Variants in GTF2E2 observed in about 807,000 individuals in gnomAD.
GTF2E2 encodes the protein general transcription factor IIE subunit 2.
GTF2E2 carries 21 observed loss-of-function variants against 40.5 expected under a neutral mutation model. The observed-to-expected ratio is 0.52, with a 90% CI of 0.37 to 0.75. The LOEUF is 0.75. Ranked by LOEUF, GTF2E2 falls within the 30% of genes least tolerant of loss-of-function variation. GTF2E2 has a pLI of 0.00. For synonymous variants in GTF2E2, 117 were observed against 121.6 expected (o/e 0.96, Z 0.25); for missense variants, 298 against 338.4 (o/e 0.88, Z 0.94).
intron 5 of GTF2E2, among the ~76,000 whole-genome samples, chr8:30,611,950 T>C (rs1354867312): frequency 1.3e-5 from 2 of 152,190 alleles, no homozygotes; most frequent in East Asian, 3.9e-4. Flanking sequence ...TGCCTCTAGT[T>C]CCTCAGGTAA....
intron 2 of GTF2E2, chr8:30,645,736 AAGTT>A: frequency 1.2e-6 from 1 of 825,520 alleles, no homozygotes. Context: ...GGGGAAAAAA[AAGTT>A]AAACATGCAC....
At chr8:30,620,287 C>T (rs1469880189) in intron 3 of GTF2E2, among the ~76,000 whole-genome samples, 1 of 151,654 alleles carries the variant, frequency 6.6e-6, no homozygotes, top group Non-Finnish European at 1.5e-5. Flanking sequence ...TACATACACA[C>T]ATTCATTCCT....
intron 3 of GTF2E2, among the ~76,000 whole-genome samples, chr8:30,620,412 A>T (rs1177676982): frequency 6.6e-6 from 1 of 152,140 alleles, no homozygotes. Context: ...AGAAAAGGTT[A>T]AATGAAGATG....
intron 7 of GTF2E2, among the ~76,000 whole-genome samples, chr8:30,579,354 C>T (rs16877201): frequency 1.3e-3 from 194 of 152,306 alleles, no homozygotes; most frequent in African/African-American, 4.5e-3. Context: ...GGTTTAAAAA[C>T]GTATCCACCA....
intron 6 of GTF2E2, among the ~76,000 whole-genome samples, chr8:30,596,692 CA>C (rs35740987): frequency 0.34 from 50,952 of 151,940 alleles, 9,704 homozygotes; most frequent in South Asian, 0.55. Flanking sequence ...TTTTATGCCT[CA>C]AAAACTTTTT....
intron 6 of GTF2E2, among the ~76,000 whole-genome samples, chr8:30,598,590 G>T (rs1320508551): frequency 2.6e-5 from 4 of 152,000 alleles, no homozygotes. Flanking sequence ...CAATGCTGTT[G>T]CAATATTTAA....
intron 2 of GTF2E2, among the ~76,000 whole-genome samples, chr8:30,650,757 T>C (rs1802246219): frequency 6.6e-6 from 1 of 151,514 alleles, no homozygotes; most frequent in South Asian, 2.1e-4. Flanking sequence ...GGCTCACGCC[T>C]GTAATCCCAG....
At chr8:30,643,004 C>T (rs978780777) in intron 2 of GTF2E2, among the ~76,000 whole-genome samples, 1 of 152,106 alleles carries the variant, frequency 6.6e-6, no homozygotes, top group Non-Finnish European at 1.5e-5. Flanking sequence ...CGCTGGAGTG[C>T]AATGTGCATT....
chr8:30,587,871 T>TAAAAAA (rs58179732), intron 6 of GTF2E2, among the ~76,000 whole-genome samples: 1 of 105,034 alleles, frequency 9.5e-6, no homozygotes, highest in African/African-American at 3.9e-5. Context: ...GACTCCGTCT[T>TAAAAAA]AAAAAAAAAA....
intron 3 of GTF2E2, among the ~76,000 whole-genome samples, chr8:30,626,576 G>GC (rs1479445278): frequency 6.6e-6 from 1 of 152,152 alleles, no homozygotes; most frequent in Non-Finnish European, 1.5e-5. Flanking sequence ...TAACATATTA[G>GC]CATCTATGTC....
At chr8:30,635,222 T>C (rs1396273587) in intron 2 of GTF2E2, 99 bp from the exon 3 acceptor site, 2 of 668,384 alleles carry the variant, frequency 3.0e-6, no homozygotes, top group Non-Finnish European at 5.2e-6. Context: ...TTCTTGAGTT[T>C]TTCATCTAGT....
Position 30,635,108 on chromosome 8 carries a change from G to A in GTF2E2, c.182C>T (p.Ser61Leu). The change falls in exon 3 of 8, where the codon TCA becomes TTA. Residue 61 changes from serine (S) to leucine (L), a missense_variant. By Grantham distance (145) the Ser-to-Leu change is moderately radical. Coordinates refer to ENST00000355904, the MANE Select transcript of GTF2E2 (RefSeq NM_002095.6). ...TCCTGACAAAGCTTTCAAGTTAAAT[G>A]ATCCATTGCTATGATCTGCAAATGA... is the stretch of plus-strand genomic sequence containing the variant. ...SKQNSDHSNG[S>L]FNLKALSGSS... 6.3e-7 allele frequency: 1 copy of A among 1,597,632 alleles called. No individual in the cohort carries two copies. Among genetic ancestry groups the A allele is most frequent in the Non-Finnish European group, 8.6e-7 (1 of 1,165,918 alleles).
At chr8:30,623,168 A>G (rs532979353) in intron 3 of GTF2E2, among the ~76,000 whole-genome samples, 3 of 152,246 alleles carry the variant, frequency 2.0e-5, no homozygotes, top group East Asian at 1.9e-4. Flanking sequence ...ATAAATGTCC[A>G]TGAAATCTTC....
intron 3 of GTF2E2, among the ~76,000 whole-genome samples, chr8:30,630,830 G>C (rs1801418975): frequency 6.6e-6 from 1 of 151,896 alleles, no homozygotes; most frequent in South Asian, 2.1e-4. Flanking sequence ...AAAATATTTT[G>C]GCCCCTGCTG....
chr8:30,650,628 C>G (rs1196985634), intron 2 of GTF2E2, among the ~76,000 whole-genome samples: 3 of 151,720 alleles, frequency 2.0e-5, no homozygotes, highest in East Asian at 3.9e-4. Context: ...TGGGGAGTTT[C>G]GAGGCTGCAG....
intron 7 of GTF2E2, among the ~76,000 whole-genome samples, 195 bp from the exon 8 acceptor site, chr8:30,579,232 T>C (rs1295176901): frequency 6.6e-6 from 1 of 152,044 alleles, no homozygotes; most frequent in African/African-American, 2.4e-5. Flanking sequence ...TCCCCTGAGA[T>C]GCAGATGCCA....
At chr8:30,636,601 A>G (rs1801606766) in intron 2 of GTF2E2, among the ~76,000 whole-genome samples, 2 of 152,216 alleles carry the variant, frequency 1.3e-5, no homozygotes, top group African/African-American at 2.4e-5. Context: ...AAAAGTAACA[A>G]TAACATTAAG....
chr8:30,651,732 T>C (rs560153001), intron 2 of GTF2E2, among the ~76,000 whole-genome samples: 25 of 152,318 alleles, frequency 1.6e-4, no homozygotes, highest in Admixed American at 3.9e-4. Flanking sequence ...TGTTGATAGA[T>C]TGACCCTAAA....
intron 3 of GTF2E2, among the ~76,000 whole-genome samples, chr8:30,624,821 G>A (rs1247318066): frequency 6.6e-6 from 1 of 152,064 alleles, no homozygotes; most frequent in Non-Finnish European, 1.5e-5. Flanking sequence ...TCTGTTACTG[G>A]TGTGTAAGAA....
Sources: allele counts gnomAD v4.1 joint callset (sites outside exome capture counted in the v4.1 genomes callset), GRCh38; gene constraint gnomAD v4.1.1; transcripts MANE v1.5; gene names NCBI Gene and HGNC (gene_info 2026-07-23, HGNC 2026-07-21).